SMIM13: variants seen among roughly 807,000 people sequenced by gnomAD.
The protein encoded by SMIM13 is small integral membrane protein 13.
In SMIM13, 3 loss-of-function variants were observed where a neutral mutation model predicts 5.9. The observed-to-expected ratio is 0.51, with a 90% confidence interval of 0.23 to 1.31. The LOEUF (loss-of-function observed/expected upper bound fraction) is 1.31. SMIM13 is among the 40% of genes most tolerant of loss of function. The pLI is 0.18. For synonymous variants in SMIM13, 55 were observed against 46.0 expected (o/e 1.19, Z -0.79); for missense variants, 85 against 109.9 (o/e 0.77, Z 1.01).
chr6:11,103,738 T>C, intron 1 of SMIM13: 2 of 1,551,642 alleles, frequency 1.3e-6, no homozygotes, highest in Non-Finnish European at 1.7e-6. Context: ...CGTCCTGCAC[T>C]GAGATTCGTC....
chr6:11,134,627 G>T lies in SMIM13; in HGVS notation c.*25G>T. Reference sequence around the variant, plus strand: ...GTCCTGTACTTGTGAAGGATGAAAAGGCAGTTGCCAGCTTCTGTCTTTTAC... The same window carrying T: ...GTCCTGTACTTGTGAAGGATGAAAATGCAGTTGCCAGCTTCTGTCTTTTAC... On this transcript the variant is annotated 3_prime_UTR_variant, in exon 2 of 2. Coordinates refer to ENST00000416247, the MANE Select transcript of SMIM13 (RefSeq NM_001135575.2). 2 of 1,416,092 alleles carry T rather than the reference G, an allele frequency of 1.4e-6. No homozygotes were observed. Among genetic ancestry groups the T allele is most frequent in the Non-Finnish European group, 1.9e-6 (2 of 1,073,912 alleles). The allele number at this position is 1,416,092 out of a possible 1,614,324, so 87.7% of individuals were successfully genotyped here.
At chr6:11,103,933 A>T (rs867769889) in intron 1 of SMIM13, 1 of 1,551,566 alleles carries the variant, frequency 6.4e-7, no homozygotes, top group African/African-American at 1.4e-5. Flanking sequence ...CGTAAACTGG[A>T]GGCTTGATTT....
chr6:11,108,718 G>T (rs558325835), intron 1 of SMIM13, among the ~76,000 whole-genome samples: 1 of 152,286 alleles, frequency 6.6e-6, no homozygotes, highest in Admixed American at 6.5e-5. Context: ...AAAAGACCAA[G>T]GAACCTACTT....
intron 1 of SMIM13, chr6:11,104,887 T>G: frequency 6.2e-7 from 1 of 1,614,252 alleles, no homozygotes; most frequent in Non-Finnish European, 8.5e-7. Flanking sequence ...CAGACTGTAC[T>G]TGGAAGAGTG....
At chr6:11,133,837 C>T (rs1365486681) in intron 1 of SMIM13, among the ~76,000 whole-genome samples, 2 of 150,718 alleles carry the variant, frequency 1.3e-5, no homozygotes, top group East Asian at 2.0e-4. Context: ...CATCTTGAAT[C>T]TAAGATATTG....
At chr6:11,102,391 G>A (rs1758006328) in intron 1 of SMIM13, 1 of 152,214 alleles carries the variant, frequency 6.6e-6, no homozygotes, top group African/African-American at 2.4e-5. Context: ...GGTAAAATGT[G>A]TTGATTACAG....
At chr6:11,132,982 T>C (rs1758470436) in intron 1 of SMIM13, among the ~76,000 whole-genome samples, 1 of 152,208 alleles carries the variant, frequency 6.6e-6, no homozygotes, top group African/African-American at 2.4e-5. Flanking sequence ...CCACTGCCTA[T>C]GGACAACCAC....
intron 1 of SMIM13, among the ~76,000 whole-genome samples, chr6:11,098,241 T>G (rs1757949802): frequency 1.3e-5 from 2 of 152,310 alleles, no homozygotes; most frequent in East Asian, 1.9e-4. Flanking sequence ...TGTCTCTGCT[T>G]TCTCACCTCT....
chr6:11,133,895 T>A (rs1758484822), intron 1 of SMIM13, among the ~76,000 whole-genome samples: 1 of 152,156 alleles, frequency 6.6e-6, no homozygotes, highest in Non-Finnish European at 1.5e-5. Context: ...AAATGTATTT[T>A]CTTTGAAAAA....
intron 1 of SMIM13, among the ~76,000 whole-genome samples, chr6:11,129,870 T>C (rs1758428844): frequency 6.6e-6 from 1 of 152,212 alleles, no homozygotes; most frequent in African/African-American, 2.4e-5. Context: ...TGCTCAGTCA[T>C]ACTTTTCCTG....
chr6:11,121,644 G>T (rs1395498710), intron 1 of SMIM13, among the ~76,000 whole-genome samples: 1 of 152,186 alleles, frequency 6.6e-6, no homozygotes, highest in Non-Finnish European at 1.5e-5. Context: ...CATGTAAAGG[G>T]TGATGCTTTA....
Position 11,135,131 on chromosome 6 carries a change from A to C in SMIM13, c.*529A>C, listed in dbSNP as rs555956196. The C allele has an allele frequency of 6.5e-6, 1 of 152,802 alleles. No homozygotes were observed. Among genetic ancestry groups the C allele is most frequent in the South Asian group, 2.1e-4 (1 of 4,830 alleles). The allele number at this position is 152,802 out of a possible 1,614,324, so 9.5% of individuals were successfully genotyped here. ...TTTAAAATGTCTTCAAAAAGATCAC[A>C]CTATGATTCAGCATTGAAACGAAAA... On this transcript the variant is annotated 3_prime_UTR_variant, in exon 2 of 2. Coordinates refer to ENST00000416247, the MANE Select transcript of SMIM13 (RefSeq NM_001135575.2).
chr6:11,123,039 C>T (rs1449562070), intron 1 of SMIM13, among the ~76,000 whole-genome samples: 1 of 152,134 alleles, frequency 6.6e-6, no homozygotes, highest in Admixed American at 6.5e-5. Context: ...AAGACCCTAT[C>T]TCTACAGTAA....
intron 1 of SMIM13, chr6:11,104,447 G>A: frequency 6.4e-7 from 1 of 1,551,858 alleles, no homozygotes; most frequent in Non-Finnish European, 8.7e-7. Flanking sequence ...GGCATGTAGA[G>A]ATATGGAAAT....
intron 1 of SMIM13, among the ~76,000 whole-genome samples, chr6:11,107,602 C>T (rs564491031): frequency 2.0e-4 from 31 of 152,162 alleles, no homozygotes; most frequent in Admixed American, 1.2e-3. Flanking sequence ...GAGGATGGGT[C>T]GAGGGGGAGA....
Position 11,119,890 on chromosome 6 carries a change from G to A in SMIM13, c.77-14513G>A, listed in dbSNP as rs539747454. On this transcript the variant is annotated intron_variant, in intron 1 of 1. Transcript: ENST00000416247. ...AACTCCAGGGGCTTAATAACTTCTA[G>A]CATTGCCTAGTGTGTCATTGAGAAA... 4.3e-4 allele frequency among the ~76,000 whole-genome samples: 65 copies of A among 152,306 alleles called. No homozygotes were observed. In the South Asian group the frequency reaches 7.3e-3, roughly 17 times the overall value.
intron 1 of SMIM13, 133 bp from the exon 2 acceptor site, chr6:11,134,270 A>T: frequency 1.8e-6 from 1 of 569,288 alleles, no homozygotes; most frequent in Non-Finnish European, 2.9e-6. Flanking sequence ...AATGTTTGTT[A>T]TATCATTATA....
intron 1 of SMIM13, among the ~76,000 whole-genome samples, chr6:11,117,659 A>G (rs962947284): frequency 6.6e-6 from 1 of 150,936 alleles, no homozygotes; most frequent in Non-Finnish European, 1.5e-5. Flanking sequence ...TGACTTTTTT[A>G]TGGTCACACA....
chr6:11,129,728 G>C (rs1350038091), intron 1 of SMIM13, among the ~76,000 whole-genome samples: 1 of 151,982 alleles, frequency 6.6e-6, no homozygotes. Flanking sequence ...GGTTGCTCTA[G>C]CTTTTTGGTA....
Sources: allele counts gnomAD v4.1 joint callset (sites outside exome capture counted in the v4.1 genomes callset), GRCh38; gene constraint gnomAD v4.1.1; transcripts MANE v1.5; gene names NCBI Gene and HGNC (gene_info 2026-07-23, HGNC 2026-07-21).